SYNE1: variants seen among roughly 807,000 people sequenced by gnomAD.
SYNE1 encodes the protein spectrin repeat containing nuclear envelope protein 1.
In SYNE1, 616 loss-of-function variants were observed where a neutral mutation model predicts 1,111.0. The observed-to-expected ratio is 0.55, with a 90% confidence interval of 0.52 to 0.59. SYNE1 has a LOEUF of 0.59. Among genes scored for constraint, SYNE1 ranks in the 20% least tolerant of loss-of-function variants. The pLI is 0.00. For synonymous variants in SYNE1, 3,855 were observed against 3,825.8 expected (o/e 1.01, Z -0.28); for missense variants, 10,006 against 10,417.0 (o/e 0.96, Z 1.72).
chr6:152,437,146 T>C (rs1340793828), intron 32 of SYNE1, among the ~76,000 whole-genome samples: 1 of 151,534 alleles, frequency 6.6e-6, no homozygotes, highest in African/African-American at 2.4e-5. Context: ...AGAGCAAGAA[T>C]TTGTCTCAAA....
chr6:152,125,329 A>C, intron 145 of SYNE1: 1 of 1,550,446 alleles, frequency 6.4e-7, no homozygotes, highest in Non-Finnish European at 8.7e-7. Flanking sequence ...TTTGGAAACA[A>C]GTGGTTTCCT....
chr6:152,147,799 C>CT (rs1420580341), intron 137 of SYNE1: 2 of 488,532 alleles, frequency 4.1e-6, no homozygotes, highest in African/African-American at 3.9e-5. Flanking sequence ...AGAAGAGGAA[C>CT]TGTGTATCCC....
intron 10 of SYNE1, among the ~76,000 whole-genome samples, chr6:152,502,286 A>G (rs1025249362): frequency 2.0e-5 from 3 of 152,226 alleles, no homozygotes; most frequent in African/African-American, 7.2e-5. Context: ...AACCAGAGCG[A>G]GGGGATTAAA....
chr6:152,595,648 G>A (rs969178564), intron 3 of SYNE1, among the ~76,000 whole-genome samples: 10 of 152,180 alleles, frequency 6.6e-5, no homozygotes, highest in Middle Eastern at 3.4e-3. Context: ...ATTCTTTCCC[G>A]AATTTGGAAA....
intron 3 of SYNE1, among the ~76,000 whole-genome samples, chr6:152,544,725 A>G (rs1051057859): frequency 6.6e-6 from 1 of 152,178 alleles, no homozygotes; most frequent in Non-Finnish European, 1.5e-5. Flanking sequence ...ATAACTGATG[A>G]CAGTTCACAT....
intron 125 of SYNE1, among the ~76,000 whole-genome samples, chr6:152,207,634 C>T (rs185593708): frequency 2.1e-3 from 320 of 152,274 alleles, no homozygotes; most frequent in Non-Finnish European, 3.4e-3. Context: ...ACTCAAGTTA[C>T]GTGTTTAAAT....
chr6:152,535,392 T>G (rs1164377227), intron 4 of SYNE1, among the ~76,000 whole-genome samples: 1 of 152,190 alleles, frequency 6.6e-6, no homozygotes, highest in Non-Finnish European at 1.5e-5. Flanking sequence ...ATGCCTGAGT[T>G]CATCCCAAAC....
chr6:152,524,000 A>C (rs563870409), intron 5 of SYNE1, among the ~76,000 whole-genome samples: 1 of 152,114 alleles, frequency 6.6e-6, no homozygotes, highest in East Asian at 1.9e-4. Flanking sequence ...GCAAACAATG[A>C]TAGTTTGACT....
intron 63 of SYNE1, among the ~76,000 whole-genome samples, chr6:152,363,926 G>T (rs111541082): frequency 6.6e-5 from 10 of 152,212 alleles, no homozygotes; most frequent in Middle Eastern, 3.4e-3. Context: ...TGCTCACAAC[G>T]GTGGGCAACT....
chr6:152,629,558 T>G (rs1306387570), intron 2 of SYNE1, among the ~76,000 whole-genome samples: 1,303 of 39,314 alleles, frequency 0.033, 1 homozygote, highest in Middle Eastern at 0.054. Context: ...GAGGAGGGGG[T>G]GCAGTGGGCT....
At chr6:152,476,129 A>G (rs1044964243) in intron 14 of SYNE1, among the ~76,000 whole-genome samples, 1 of 152,048 alleles carries the variant, frequency 6.6e-6, no homozygotes, top group Non-Finnish European at 1.5e-5. Context: ...AGCTTTAAAC[A>G]TCCCTCTAGA....
At chr6:152,279,752 C>T (rs1388692780) in intron 97 of SYNE1, among the ~76,000 whole-genome samples, 1 of 144,796 alleles carries the variant, frequency 6.9e-6, no homozygotes, top group African/African-American at 2.6e-5. Flanking sequence ...TAACATCAAA[C>T]CAAAAAACTA....
intron 93 of SYNE1, 45 bp downstream of exon 93, chr6:152,300,596 A>T: frequency 6.2e-7 from 1 of 1,613,474 alleles, no homozygotes; most frequent in South Asian, 1.1e-5. Context: ...GGAGTCCTGC[A>T]TCTGCCCAGA....
chr6:152,599,186 G>A (rs2099590119), intron 3 of SYNE1, among the ~76,000 whole-genome samples: 1 of 152,282 alleles, frequency 6.6e-6, no homozygotes, highest in East Asian at 1.9e-4. Context: ...GTCCTCAAAT[G>A]ATCACCAATT....
intron 133 of SYNE1, among the ~76,000 whole-genome samples, chr6:152,153,413 G>A (rs1474964962): frequency 1.3e-5 from 2 of 152,084 alleles, no homozygotes; most frequent in African/African-American, 2.4e-5. Flanking sequence ...GCACAACTTC[G>A]TTTCTGCAAT....
chr6:152,531,034 T>C (rs2099197206), intron 4 of SYNE1, among the ~76,000 whole-genome samples: 1 of 152,030 alleles, frequency 6.6e-6, no homozygotes, highest in South Asian at 2.1e-4. Flanking sequence ...CATAGTTGTC[T>C]AGGTTATCAG....
At chr6:152,272,248 G>T (rs527599227) in intron 98 of SYNE1, among the ~76,000 whole-genome samples, 1 of 152,200 alleles carries the variant, frequency 6.6e-6, no homozygotes, top group Non-Finnish European at 1.5e-5. Flanking sequence ...GGATAAGAAG[G>T]TGCAGCCAGA....
At chr6:152,630,112 C>A (rs2099695395) in intron 2 of SYNE1, among the ~76,000 whole-genome samples, 1 of 151,340 alleles carries the variant, frequency 6.6e-6, no homozygotes, top group South Asian at 2.1e-4. Flanking sequence ...TAGTAACATG[C>A]TTTTTAGCCT....
chr6:152,468,663 G>A (rs769155836), intron 16 of SYNE1, among the ~76,000 whole-genome samples: 46 of 152,308 alleles, frequency 3.0e-4, no homozygotes, highest in Admixed American at 1.2e-3. Context: ...GGACGGATAA[G>A]TCTGAATTGA....
Sources: gnomAD v4.1 joint callset for allele counts (sites outside exome capture counted in the v4.1 genomes callset) on GRCh38, gnomAD v4.1.1 for gene constraint, MANE v1.5 for transcripts, NCBI Gene and HGNC (gene_info 2026-07-23, HGNC 2026-07-21) for gene names.